Variants in KCNK10 observed in about 807,000 individuals in gnomAD.
The protein encoded by KCNK10 is potassium channel subfamily K member 10.
A neutral mutation model predicts 47.7 loss-of-function variants in KCNK10; 25 were observed. That is an observed-to-expected ratio of 0.52 (90% CI 0.38 to 0.73). The LOEUF is 0.73. KCNK10 is among the 30% of genes least tolerant of loss of function. The pLI, the probability that KCNK10 is intolerant of heterozygous loss-of-function variation, is 0.00. For missense variants in KCNK10, 563 were observed against 714.5 expected, an observed-to-expected ratio of 0.79 and a Z score of 2.42; for synonymous variants, 303 against 285.6, an observed-to-expected ratio of 1.06 and a Z score of -0.61.
intron 1 of KCNK10, among the ~76,000 whole-genome samples, chr14:88,273,694 A>G (rs999055075): frequency 1.3e-5 from 2 of 152,062 alleles, no homozygotes; most frequent in Admixed American, 6.5e-5. Flanking sequence ...TGTTGACGAG[A>G]TGGACTTCTT....
At chr14:88,269,570 A>G (rs1887352680) in intron 1 of KCNK10, among the ~76,000 whole-genome samples, 1 of 151,982 alleles carries the variant, frequency 6.6e-6, no homozygotes, top group Admixed American at 6.5e-5. Flanking sequence ...CCCAGTAGCT[A>G]GGACCACAGA....
At chr14:88,274,507 C>T (rs1174370871) in intron 1 of KCNK10, among the ~76,000 whole-genome samples, 1 of 115,576 alleles carries the variant, frequency 8.7e-6, no homozygotes, top group African/African-American at 3.2e-5. Flanking sequence ...GTCGACATTG[C>T]ACCACTGCAC....
rs1490185733 is a variant in KCNK10 at position 88,183,898 on chromosome 14, A to G, written c.*1637T>C. The G allele has an allele frequency of 6.6e-6, 1 of 152,400 alleles. No individual in the cohort carries two copies. Among genetic ancestry groups the G allele is most frequent in the Non-Finnish European group, 1.5e-5 (1 of 68,050 alleles). 9.4% of individuals were successfully genotyped at this position (152,400 alleles called of 1,614,324 possible). ...TCCGCTAGTGCTGTGATCTTTTGGT[A>G]AATCCACACTGCGGGTTAGTTACGT... On this transcript the variant is annotated 3_prime_UTR_variant, in exon 7 of 7. Transcript: ENST00000319231.
chr14:88,277,371 T>C (rs1047706730), intron 1 of KCNK10, among the ~76,000 whole-genome samples: 3 of 152,238 alleles, frequency 2.0e-5, no homozygotes, highest in Admixed American at 6.5e-5. Flanking sequence ...TCCTCTGAAG[T>C]GGCTCCTCTA....
intron 1 of KCNK10, among the ~76,000 whole-genome samples, chr14:88,264,340 T>C (rs1274483094): frequency 6.6e-6 from 1 of 152,218 alleles, no homozygotes; most frequent in Non-Finnish European, 1.5e-5. Context: ...CTATCATGCA[T>C]CACAGAAATG....
chr14:88,232,587 T>C (rs560387341), intron 3 of KCNK10, among the ~76,000 whole-genome samples: 60 of 152,362 alleles, frequency 3.9e-4, no homozygotes, highest in Middle Eastern at 3.4e-3. Context: ...TCCTCCACTC[T>C]GGAGTTAAAA....
chr14:88,321,637 T>G (rs1391881331), intron 1 of KCNK10, among the ~76,000 whole-genome samples: 2 of 152,186 alleles, frequency 1.3e-5, no homozygotes, highest in Non-Finnish European at 2.9e-5. Flanking sequence ...ACAGCCTCAG[T>G]GTTTTAAAAA....
chr14:88,228,115 C>T (rs933976102), intron 3 of KCNK10, among the ~76,000 whole-genome samples: 2 of 150,790 alleles, frequency 1.3e-5, no homozygotes, highest in Non-Finnish European at 2.9e-5. Flanking sequence ...CTCTCCCCAC[C>T]GCCAGTGAAG....
Position 88,293,815 on chromosome 14 carries a change from A to G in KCNK10, c.52+28932T>C, listed in dbSNP as rs183098304. ...CTCAGTCTCCCAAGCAGCTGGGACT[A>G]TAGGCATGCACCACCACACTTGGCT... On this transcript the variant is annotated intron_variant, in intron 1 of 6. Transcript: ENST00000319231. Among the ~76,000 whole-genome samples the G allele has an allele frequency of 2.5e-3, 375 of 152,076 alleles. 1 individual carries two copies. Among genetic ancestry groups the G allele is most frequent in the Middle Eastern group, 0.01 (3 of 294 alleles).
At position 88,322,728 on chromosome 14, in the gene KCNK10, A is replaced by G; in HGVS notation, c.52+19T>C. ...AGACAGAGGCAGGGCGAGGGCAGCC[A>G]AAAGTAGGAAACACCCACCTTTAGG... On this transcript the variant is annotated intron_variant, in intron 1 of 6. Coordinates refer to ENST00000319231, the MANE Select transcript of KCNK10 (RefSeq NM_138317.3). The surrounding 1 kb of genome is among the most constrained non-coding windows in gnomAD (Gnocchi z 4.8). 6.2e-7 allele frequency: 1 copy of G among 1,614,080 alleles called. No homozygotes were observed. The highest frequency in any genetic ancestry group is 8.5e-7 in the Non-Finnish European group (1 of 1,179,946).
rs1351779031 is a variant in KCNK10 at position 88,323,061 on chromosome 14, AG to A, written c.-264del. ...GGTAAAAGAAAAAGTAAGATCGGCG[AG>A]GGGTGGATGAAAGGATGGAGAGGAA... On this transcript the variant is annotated 5_prime_UTR_variant, in exon 1 of 7. Coordinates refer to ENST00000319231, the MANE Select transcript of KCNK10 (RefSeq NM_138317.3). 16 of 1,296,090 alleles carry A rather than the reference AG, an allele frequency of 1.2e-5. No individual in the cohort carries two copies. In the African/African-American group the frequency reaches 2.3e-4, roughly 18 times the overall value. 80.3% of individuals were successfully genotyped at this position (1,296,090 alleles called of 1,614,324 possible).
intron 1 of KCNK10, among the ~76,000 whole-genome samples, chr14:88,274,549 T>TAAAAAAAA (rs3994047): frequency 9.9e-5 from 4 of 40,504 alleles, no homozygotes; most frequent in African/African-American, 2.1e-4. Context: ...AGACTCTATC[T>TAAAAAAAA]AAAAAAAAAA....
chr14:88,234,302 A>G (rs1476827257), intron 3 of KCNK10, among the ~76,000 whole-genome samples: 2 of 152,232 alleles, frequency 1.3e-5, no homozygotes, highest in African/African-American at 2.4e-5. Context: ...TAACACCAAT[A>G]TATTTGCAGA....
intron 4 of KCNK10, among the ~76,000 whole-genome samples, chr14:88,203,779 G>A (rs17124253): frequency 0.19 from 28,385 of 152,124 alleles, 2,981 homozygotes; most frequent in East Asian, 0.42. Context: ...TGTCATGAAC[G>A]ATCAGTGGTT....
rs138764348 is a variant in KCNK10 at position 88,296,438 on chromosome 14, C to T, written c.52+26309G>A. Among the ~76,000 whole-genome samples, 39 of 152,294 alleles carry T rather than the reference C, an allele frequency of 2.6e-4. No homozygotes were observed. The East Asian group carries it at 4.6e-3, about 18-fold the overall frequency. On this transcript the variant is annotated intron_variant, in intron 1 of 6. Coordinates refer to ENST00000319231, the MANE Select transcript of KCNK10 (RefSeq NM_138317.3). Reference sequence around the variant, plus strand: ...AAGTGGATAGGACACTCGATAAATGCGTGTTGCTGCTATCACTGTAACCTG... The same window carrying T: ...AAGTGGATAGGACACTCGATAAATGTGTGTTGCTGCTATCACTGTAACCTG...
chr14:88,294,050 A>G (rs1887934671), intron 1 of KCNK10, among the ~76,000 whole-genome samples: 1 of 152,264 alleles, frequency 6.6e-6, no homozygotes, highest in Middle Eastern at 3.4e-3. Flanking sequence ...TATTATGTCA[A>G]CAGTACCGAT....
At position 88,234,405 on chromosome 14, in the gene KCNK10, G is replaced by T. The variant is rs1212720059; in HGVS notation, c.520+6298C>A. ...TTCCTTCATCCAAAATGTTCTTGTT[G>T]CATATGACTTTCTGGATTTCACCTA... On this transcript the variant is annotated intron_variant, in intron 3 of 6. Coordinates refer to ENST00000319231, the MANE Select transcript of KCNK10 (RefSeq NM_138317.3). Among the ~76,000 whole-genome samples the T allele has an allele frequency of 2.6e-5, 4 of 152,312 alleles. No homozygotes were observed. In the East Asian group the frequency reaches 5.8e-4, roughly 22 times the overall value.
chr14:88,313,815 A>G (rs2139802638), intron 1 of KCNK10, among the ~76,000 whole-genome samples: 1 of 152,356 alleles, frequency 6.6e-6, no homozygotes, highest in Admixed American at 6.5e-5. Flanking sequence ...TATTTGTTAC[A>G]CAATAATACA....
chr14:88,200,511 C>T (rs554448968), intron 4 of KCNK10, among the ~76,000 whole-genome samples: 1 of 152,170 alleles, frequency 6.6e-6, no homozygotes, highest in African/African-American at 2.4e-5. Flanking sequence ...AAGGGATATG[C>T]ATGAACTTTC....
Sources: allele counts gnomAD v4.1 joint callset (sites outside exome capture counted in the v4.1 genomes callset), GRCh38; gene constraint gnomAD v4.1.1; non-coding constraint Gnocchi (gnomAD v3.1); transcripts MANE v1.5; gene names NCBI Gene and HGNC (gene_info 2026-07-23, HGNC 2026-07-21).